The following MILR1 variants were observed in gnomAD, a reference collection of about 807,000 sequenced individuals.
MILR1 encodes the protein mast cell immunoglobulin like receptor 1.
In MILR1, 31 loss-of-function variants were observed where a neutral mutation model predicts 18.5. That is an observed-to-expected ratio of 1.68 (90% CI 1.26 to 2.26). The LOEUF (loss-of-function observed/expected upper bound fraction) is 2.26. Among genes scored for constraint, MILR1 ranks in the 30% most tolerant of loss-of-function variants. The pLI, the probability that MILR1 is intolerant of heterozygous loss-of-function variation, is 0.00. For missense variants in MILR1, 257 were observed against 157.4 expected (o/e 1.63, Z -3.38); for synonymous variants, 85 against 56.2 (o/e 1.51, Z -2.30).
At chr17:64,479,869 G>A in the MILR1 span, among the ~76,000 whole-genome samples, 2 of 152,192 alleles carry the variant, frequency 1.3e-5, no homozygotes, top group Admixed American at 6.6e-5. Flanking sequence ...GAACAGAGGT[G>A]CCAATCCCTT....
intron 3 of MILR1, 41 bp downstream of exon 3, chr17:64,452,907 A>G (rs2037206764): frequency 2.3e-5 from 11 of 470,608 alleles, no homozygotes; most frequent in Non-Finnish European, 4.3e-5. Flanking sequence ...TATAATTTAT[A>G]GGGTGCTTTC....
downstream of MILR1, among the ~76,000 whole-genome samples, chr17:64,472,882 A>G (rs1484966548): frequency 6.6e-6 from 1 of 152,194 alleles, no homozygotes; most frequent in East Asian, 1.9e-4. Flanking sequence ...AGCTTTTACA[A>G]ATCATTAAGA....
At chr17:64,485,727 C>T in the MILR1 span, 14 of 1,611,410 alleles carry the variant, frequency 8.7e-6, no homozygotes, top group East Asian at 2.2e-5. Context: ...ATCAACAGCA[C>T]CTTTCTATGA....
At chr17:64,481,201 C>G in the MILR1 span, 1 of 836,984 alleles carries the variant, frequency 1.2e-6, no homozygotes, top group Non-Finnish European at 1.4e-6. Context: ...CTACAGCATC[C>G]TAGGAGCTTC....
the MILR1 span, among the ~76,000 whole-genome samples, chr17:64,489,488 T>C: frequency 6.7e-6 from 1 of 148,306 alleles, no homozygotes; most frequent in Non-Finnish European, 1.5e-5. Flanking sequence ...TGGCCAAACA[T>C]GGTGACTCAT....
At chr17:64,455,241 C>T (rs2037264396) in intron 3 of MILR1, among the ~76,000 whole-genome samples, 1 of 152,112 alleles carries the variant, frequency 6.6e-6, no homozygotes, top group Non-Finnish European at 1.5e-5. Context: ...AGGGTAATTA[C>T]ACAGTCTGGT....
At chr17:64,481,422 G>T in the MILR1 span, 7 of 985,216 alleles carry the variant, frequency 7.1e-6, no homozygotes, top group Non-Finnish European at 8.4e-6. Context: ...CACCCAGACA[G>T]AAATGACGAC....
chr17:64,460,498 T>G (rs1274813746), intron 4 of MILR1, among the ~76,000 whole-genome samples: 1 of 152,010 alleles, frequency 6.6e-6, no homozygotes, highest in African/African-American at 2.4e-5. Flanking sequence ...CCATCACACC[T>G]GGCTAATTTT....
downstream of MILR1, among the ~76,000 whole-genome samples, chr17:64,470,337 G>A (rs546656197): frequency 2.0e-5 from 3 of 152,204 alleles, no homozygotes; most frequent in Admixed American, 1.3e-4. Flanking sequence ...CAAATGATTG[G>A]CCTGCCTTGG....
At chr17:64,483,548 C>A in the MILR1 span, among the ~76,000 whole-genome samples, 1 of 151,500 alleles carries the variant, frequency 6.6e-6, no homozygotes, top group Non-Finnish European at 1.5e-5. Context: ...TTGAGACCCT[C>A]CCATTTTCTG....
intron 3 of MILR1, among the ~76,000 whole-genome samples, chr17:64,454,926 A>G (rs1308811749): frequency 6.6e-6 from 1 of 152,162 alleles, no homozygotes; most frequent in Non-Finnish European, 1.5e-5. Flanking sequence ...GCCTCAGCCC[A>G]GGAGTTCAAG....
At chr17:64,483,126 G>A in the MILR1 span, 13 of 582,042 alleles carry the variant, frequency 2.2e-5, no homozygotes, top group East Asian at 3.7e-4. Context: ...ATAATTTTCT[G>A]TGTGAAAACA....
chr17:64,488,414 C>A, the MILR1 span, among the ~76,000 whole-genome samples: 1 of 151,824 alleles, frequency 6.6e-6, no homozygotes, highest in Non-Finnish European at 1.5e-5. Context: ...AATAAAAGAA[C>A]AAAATAATCT....
downstream of MILR1, among the ~76,000 whole-genome samples, chr17:64,472,465 C>CAAA (rs71158332): frequency 0.013 from 175 of 13,930 alleles, 6 homozygotes; most frequent in East Asian, 0.023. Context: ...GACTCCATCT[C>CAAA]AAAAAAAAAA....
chr17:64,456,564 A>G (rs2037305281), intron 3 of MILR1, among the ~76,000 whole-genome samples: 1 of 152,132 alleles, frequency 6.6e-6, no homozygotes, highest in Non-Finnish European at 1.5e-5. Context: ...AAATCCCGGC[A>G]CTTTGGGAGG....
In MILR1 at chr17:64,457,414, C is replaced by A. The variant is rs986465655; in HGVS notation, c.382C>A (p.Pro128Thr). 1.7e-5 allele frequency: 8 copies of A among 475,266 alleles called. No homozygotes were observed. The Admixed American group carries it at 2.5e-4, about 15-fold the overall frequency. 29.4% of individuals were successfully genotyped at this position (475,266 alleles called of 1,614,324 possible). A position where few individuals can be genotyped will look rare whatever the true frequency, so the allele number is the denominator to read the frequency against. The change falls in exon 4 of 10, where the codon CCA becomes ACA. Residue 128 changes from proline (P) to threonine (T), a missense_variant. Pro to Thr is a conservative substitution (Grantham distance 38). Coordinates refer to ENST00000619286, the MANE Select transcript of MILR1 (RefSeq NM_001085423.2). Reference sequence around the variant, plus strand: ...CATTCTTCCAGACCCGGTGACTTCCCCAGTGCTGAACATTATGGTCATTCA... The same window carrying A: ...CATTCTTCCAGACCCGGTGACTTCCACAGTGCTGAACATTATGGTCATTCA... ...SFTIVDPVTS[P>T]VLNIMVIQTE...
At chr17:64,491,617 G>C in the MILR1 span, 1 of 1,529,848 alleles carries the variant, frequency 6.5e-7, no homozygotes, top group Non-Finnish European at 9.0e-7. Flanking sequence ...TTCAGCCCTA[G>C]TGGCCTTGAT....
downstream of MILR1, among the ~76,000 whole-genome samples, chr17:64,470,804 G>A (rs1360127870): frequency 1.3e-5 from 2 of 152,158 alleles, no homozygotes; most frequent in African/African-American, 4.8e-5. Flanking sequence ...GCCCTGAACC[G>A]TAGCCTCTCA....
At chr17:64,466,819 T>TA (rs1219636512) in intron 8 of MILR1, among the ~76,000 whole-genome samples, 157 bp downstream of exon 8, 2 of 151,902 alleles carry the variant, frequency 1.3e-5, no homozygotes, top group African/African-American at 2.4e-5. Flanking sequence ...CCCCAGCTCC[T>TA]AAAAAAATCT....
Sources: allele counts gnomAD v4.1 joint callset (sites outside exome capture counted in the v4.1 genomes callset), GRCh38; gene constraint gnomAD v4.1.1; transcripts MANE v1.5; gene names NCBI Gene and HGNC (gene_info 2026-07-23, HGNC 2026-07-21).